Variants in FHAD1 observed in about 807,000 individuals in gnomAD.
The protein encoded by FHAD1 is forkhead-associated domain-containing protein 1.
Under a neutral mutation model 191.3 loss-of-function variants are expected in FHAD1, and 146 were observed. That is an observed-to-expected ratio of 0.76 (90% confidence interval 0.67 to 0.88). FHAD1 has a LOEUF of 0.88. Among genes scored for constraint, FHAD1 ranks in the 40% least tolerant of loss-of-function variants. The pLI is 0.00. For synonymous variants in FHAD1, 616 were observed against 672.3 expected, an observed-to-expected ratio of 0.92 and a Z score of 1.29; for missense variants, 1,635 against 1,785.8, an observed-to-expected ratio of 0.92 and a Z score of 1.52.
intron 16 of FHAD1, 121 bp from the exon 17 acceptor site, chr1:15,344,962 G>C: frequency 2.7e-6 from 2 of 741,282 alleles, no homozygotes. Flanking sequence ...AGGCTCTGCT[G>C]CCCACAGCCT....
chr1:15,238,760 T>A (rs192697636), intron 1 of FHAD1, among the ~76,000 whole-genome samples: 3 of 152,336 alleles, frequency 2.0e-5, no homozygotes, highest in African/African-American at 7.2e-5. Context: ...TAACCTTTGC[T>A]GGGGAGAAGT....
intron 31 of FHAD1, among the ~76,000 whole-genome samples, chr1:15,385,671 A>T (rs1455787303): frequency 6.6e-6 from 1 of 152,206 alleles, no homozygotes; most frequent in Admixed American, 6.5e-5. Flanking sequence ...GCTACTTGGG[A>T]GGCTAAGGCA....
intron 3 of FHAD1, among the ~76,000 whole-genome samples, chr1:15,280,214 G>T (rs1453997645): frequency 6.6e-6 from 1 of 152,132 alleles, no homozygotes; most frequent in Non-Finnish European, 1.5e-5. Flanking sequence ...ATTGAACAAA[G>T]AACCAGAGAG....
chr1:15,239,889 G>A lies in FHAD1; in HGVS notation c.-15+3128G>A, dbSNP rs547220778. Among the ~76,000 whole-genome samples, 4 of 152,322 alleles carry A rather than the reference G, an allele frequency of 2.6e-5. No individual in the cohort carries two copies. In the South Asian group the frequency reaches 8.3e-4, roughly 32 times the overall value. On this transcript the variant is annotated intron_variant, in intron 1 of 33. Coordinates refer to the FHAD1 transcript ENST00000683790. The stretch of plus-strand genomic sequence containing the variant: ...ATGTTTGTCAGAATCTTTTAAAGCT[G>A]AACATCTGCTGAATCTGCAACTCAG...
intron 2 of FHAD1, among the ~76,000 whole-genome samples, chr1:15,266,047 TG>T (rs1374593709): frequency 6.6e-6 from 1 of 150,742 alleles, no homozygotes; most frequent in Non-Finnish European, 1.5e-5. Flanking sequence ...GAGATGAAGA[TG>T]ATGTGGGAAG....
rs1456051222 is a variant in FHAD1, at chr1:15,316,423, G to T, written c.1216G>T (p.Glu406Ter). ...GTTAAAACAGGAAGATGCTCACAGGGAGCTCAGGGAAGCCCAGGAGAAAGA... is the reference window on the plus strand; with the variant it reads ...GTTAAAACAGGAAGATGCTCACAGGTAGCTCAGGGAAGCCCAGGAGAAAGA... ...EELKQEDAHRELREAQEKELK... is the reference protein window; with the variant it reads ...EELKQEDAHR The change falls in exon 9 of 34, where the codon GAG becomes TAG. Residue 406 changes from glutamate (E) to a stop codon, truncating the protein, a stop_gained. Transcript: ENST00000688493. LOFTEE classifies it high-confidence loss of function. The surrounding 1 kb of genome is among the most constrained non-coding windows in gnomAD (Gnocchi z 4.3). 4 of 1,551,686 alleles carry T rather than the reference G, an allele frequency of 2.6e-6. No homozygotes were observed. In the East Asian group the frequency reaches 9.8e-5, roughly 38 times the overall value.
chr1:15,239,148 C>T (rs1489345896), intron 1 of FHAD1, among the ~76,000 whole-genome samples: 1 of 152,200 alleles, frequency 6.6e-6, no homozygotes, highest in Non-Finnish European at 1.5e-5. Context: ...CTGACATGAT[C>T]CTCTCACCTC....
rs138401619 is a variant in FHAD1, at chr1:15,329,093, CT to C, written c.1711-250del. On this transcript the variant is annotated intron_variant, in intron 13 of 33. Transcript: ENST00000688493. This position sits in a 1 kb window ranked among gnomAD's most constrained non-coding sequence, Gnocchi z 5.0. ...CATTGCAGCCAAACTGTTGATGGTA[CT>C]TTGGCTCTGGGGTTTCATAGACCTA... is the stretch of plus-strand genomic sequence containing the variant. 9.1e-3 allele frequency: 3,010 copies of C among 331,562 alleles called. 83 individuals are homozygous for C. The highest frequency in any genetic ancestry group is 0.056 in the African/African-American group (2,665 of 47,898). 20.5% of individuals were successfully genotyped at this position (331,562 alleles called of 1,614,324 possible).
chr1:15,249,592 T>C (rs1646517978), intron 1 of FHAD1, among the ~76,000 whole-genome samples: 1 of 152,212 alleles, frequency 6.6e-6, no homozygotes, highest in Non-Finnish European at 1.5e-5. Context: ...GGATTTCTCA[T>C]AGGCTTCGGA....
chr1:15,351,523 C>T (rs769055910), intron 19 of FHAD1, among the ~76,000 whole-genome samples: 57 of 152,124 alleles, frequency 3.7e-4, no homozygotes, highest in African/African-American at 1.3e-3. Flanking sequence ...TATACTGCCT[C>T]GGTTACAGCC....
At chr1:15,384,989 C>G (rs184281122) in intron 31 of FHAD1, among the ~76,000 whole-genome samples, 2 of 152,158 alleles carry the variant, frequency 1.3e-5, no homozygotes, top group East Asian at 1.9e-4. Flanking sequence ...ACTCATCCCC[C>G]CTATTCCTTT....
chr1:15,366,434 C>T (rs1696492223), intron 24 of FHAD1, among the ~76,000 whole-genome samples: 3 of 152,200 alleles, frequency 2.0e-5, no homozygotes, highest in Admixed American at 1.3e-4. Context: ...GTCTCTGACT[C>T]AATGCCAAGG....
At chr1:15,258,053 G>A (rs1470959491) in intron 2 of FHAD1, among the ~76,000 whole-genome samples, 1 of 152,114 alleles carries the variant, frequency 6.6e-6, no homozygotes, top group Non-Finnish European at 1.5e-5. Flanking sequence ...CATTGGCCAG[G>A]CTGGTCTCGA....
intron 21 of FHAD1, 144 bp from the exon 22 acceptor site, chr1:15,360,334 A>C (rs1694377131): frequency 1.1e-5 from 7 of 651,360 alleles, no homozygotes; most frequent in African/African-American, 1.8e-5. Context: ...CTGGGGAAGA[A>C]GTGCACAGGG....
At chr1:15,362,817 A>G in intron 23 of FHAD1, 91 bp downstream of exon 23, 1 of 984,330 alleles carries the variant, frequency 1.0e-6, no homozygotes, top group East Asian at 2.6e-5. Context: ...CCTGGGCCAC[A>G]TTGTCAGAAG....
chr1:15,274,097 A>T (rs889077042), intron 3 of FHAD1, among the ~76,000 whole-genome samples: 2 of 152,168 alleles, frequency 1.3e-5, no homozygotes, highest in African/African-American at 4.8e-5. Context: ...AAGCTGAAGA[A>T]TGCTCCCTTG....
rs903812033 is a variant in FHAD1, at chr1:15,369,475, C to G, written c.3420C>G (p.His1140Gln). 6.4e-7 allele frequency: 1 copy of G among 1,551,730 alleles called. No homozygotes were observed. Among genetic ancestry groups the G allele is most frequent in the African/African-American group, 1.4e-5 (1 of 73,172 alleles). ...CCTCTGTGCAGATAGAACCCGTCCA[C>G]ACTGAGGCCTTCTCCAGCAGCCAAG... ...CDTSVQIEPVHTEAFSSSQEQ... is the reference protein window; with the variant it reads ...CDTSVQIEPVQTEAFSSSQEQ... Residue 1140 changes from histidine to glutamine, a missense_variant, in exon 26 of 34, where the codon CAC becomes CAG. Coordinates refer to ENST00000688493, the MANE Select transcript of FHAD1 (RefSeq NM_001391957.1).
chr1:15,363,744 G>A (rs575494391), intron 23 of FHAD1: 5 of 456,458 alleles, frequency 1.1e-5, no homozygotes, highest in African/African-American at 8.0e-5. Context: ...AAGCCAGTGA[G>A]TCTACAAAGA....
chr1:15,389,769 G>GA (rs1006171433), intron 32 of FHAD1, among the ~76,000 whole-genome samples: 3 of 151,896 alleles, frequency 2.0e-5, no homozygotes, highest in Non-Finnish European at 1.5e-5. Flanking sequence ...AGATTTAAAG[G>GA]AAAAAAATAA....
Sources: gnomAD v4.1 joint callset for allele counts (sites outside exome capture counted in the v4.1 genomes callset) on GRCh38, gnomAD v4.1.1 for gene constraint, Gnocchi (gnomAD v3.1) non-coding constraint, MANE v1.5 for transcripts, NCBI Gene and HGNC (gene_info 2026-07-23, HGNC 2026-07-21) for gene names.